ZNF704: variants seen among roughly 807,000 people sequenced by gnomAD.
ZNF704 encodes the protein glucocorticoid induced gene 1.
ZNF704 carries 10 observed loss-of-function variants against 44.7 expected under a neutral mutation model. The ratio of observed to expected loss-of-function variants is 0.22; its 90% CI spans 0.14 to 0.38. The LOEUF (loss-of-function observed/expected upper bound fraction) is 0.38. ZNF704 is among the 10% of genes least tolerant of loss of function. The pLI is 1.00. For synonymous variants in ZNF704, 211 were observed against 207.6 expected, an observed-to-expected ratio of 1.02 and a Z score of -0.14; for missense variants, 390 against 545.5, an observed-to-expected ratio of 0.71 and a Z score of 2.84.
chr8:80,641,361 G>T lies in ZNF704; in HGVS notation c.*5C>A. On this transcript the variant is annotated 3_prime_UTR_variant, in exon 9 of 9. Transcript: ENST00000327835. ...GGGCCCTGAGCCCCTCTGCCTGGGG[G>T]TCTCTCAGTCGAGGAACCTCTGGCA... 1 of 1,606,408 alleles carries T rather than the reference G, an allele frequency of 6.2e-7. No homozygotes were observed.
intron 2 of ZNF704, among the ~76,000 whole-genome samples, chr8:80,780,332 T>C (rs895206368): frequency 6.6e-6 from 1 of 152,198 alleles, no homozygotes; most frequent in Non-Finnish European, 1.5e-5. Flanking sequence ...GAGATTCCTA[T>C]GGCAGAAAGA....
chr8:80,851,328 CCAA>C (rs1303873470), intron 1 of ZNF704, among the ~76,000 whole-genome samples: 5 of 152,128 alleles, frequency 3.3e-5, no homozygotes, highest in Non-Finnish European at 7.3e-5. Flanking sequence ...ACCTAAATGT[CCAA>C]CAACAATAGA....
upstream of ZNF704, among the ~76,000 whole-genome samples, chr8:80,875,185 A>C (rs888376009): frequency 6.6e-6 from 1 of 152,164 alleles, no homozygotes; most frequent in East Asian, 1.9e-4. Context: ...TAACATGACT[A>C]ATTTTGCCAT....
chr8:80,845,930 A>C (rs1808760695), intron 1 of ZNF704, among the ~76,000 whole-genome samples: 1 of 152,198 alleles, frequency 6.6e-6, no homozygotes, highest in Non-Finnish European at 1.5e-5. Context: ...CTCCTCTGCC[A>C]TACTAAAAAC....
At chr8:80,714,111 A>T (rs1819035388) in intron 2 of ZNF704, among the ~76,000 whole-genome samples, 1 of 152,218 alleles carries the variant, frequency 6.6e-6, no homozygotes, top group South Asian at 2.1e-4. Context: ...GATCTTGCAG[A>T]GAATTTGTAG....
intron 2 of ZNF704, among the ~76,000 whole-genome samples, chr8:80,771,795 A>C (rs536534499): frequency 6.6e-6 from 1 of 152,318 alleles, no homozygotes; most frequent in East Asian, 1.9e-4. Context: ...ATATAGGAAA[A>C]GCATTCAGCT....
chr8:80,664,718 C>G, intron 6 of ZNF704, 97 bp downstream of exon 6: 1 of 1,460,574 alleles, frequency 6.8e-7, no homozygotes, highest in African/African-American at 1.4e-5. Context: ...GTGTGTGATG[C>G]TGTTTTTCCA....
Position 80,785,010 on chromosome 8 carries a change from CATT to C in ZNF704, c.221+36361_221+36363del, listed in dbSNP as rs1430746206. On this transcript the variant is annotated intron_variant, in intron 2 of 8. Coordinates refer to ENST00000327835, the MANE Select transcript of ZNF704 (RefSeq NM_001033723.3). ...AACTAATGAAACAATATTGATACAT[CATT>C]ATTAACTAAAGTCCACACTGTATTC... Among the ~76,000 whole-genome samples the C allele has an allele frequency of 8.5e-5, 13 of 152,102 alleles. No individual in the cohort carries two copies. The East Asian group carries it at 2.1e-3, about 25-fold the overall frequency.
chr8:80,647,804 C>T (rs559630012), intron 7 of ZNF704, among the ~76,000 whole-genome samples: 97 of 152,178 alleles, frequency 6.4e-4, no homozygotes, highest in Non-Finnish European at 1.3e-3. Context: ...GAGAAAGTTA[C>T]AGAAGCAGCA....
intron 2 of ZNF704, among the ~76,000 whole-genome samples, chr8:80,808,348 T>C (rs567525863): frequency 6.6e-6 from 1 of 152,356 alleles, no homozygotes; most frequent in Admixed American, 6.5e-5. Flanking sequence ...GAGTTATTAA[T>C]TGAATGTGAA....
At chr8:80,855,245 T>A (rs894657045) in intron 1 of ZNF704, among the ~76,000 whole-genome samples, 3 of 152,206 alleles carry the variant, frequency 2.0e-5, no homozygotes, top group African/African-American at 7.2e-5. Flanking sequence ...ATTATTGATA[T>A]ATGTTCTTGT....
At chr8:80,650,404 G>C (rs996857045) in intron 7 of ZNF704, among the ~76,000 whole-genome samples, 11 of 152,180 alleles carry the variant, frequency 7.2e-5, no homozygotes, top group African/African-American at 1.9e-4. Flanking sequence ...TGGCAAAGAA[G>C]TTAAAAACAT....
At chr8:80,709,258 C>G (rs140358969) in intron 2 of ZNF704, among the ~76,000 whole-genome samples, 2,446 of 151,826 alleles carry the variant, frequency 0.016, 40 homozygotes, top group Non-Finnish European at 0.025. Context: ...TGCTGGCTAA[C>G]ACGGTGAAAC....
chr8:80,739,252 C>T (rs1207519306), intron 2 of ZNF704, among the ~76,000 whole-genome samples: 1 of 152,196 alleles, frequency 6.6e-6, no homozygotes, highest in Non-Finnish European at 1.5e-5. Context: ...GTCTTTCGAG[C>T]AATCTCTTCT....
chr8:80,788,256 G>C (rs1471001968), intron 2 of ZNF704, among the ~76,000 whole-genome samples: 1 of 152,122 alleles, frequency 6.6e-6, no homozygotes, highest in Non-Finnish European at 1.5e-5. Context: ...GCAAATGCTG[G>C]TCTTGAGTTA....
At position 80,807,865 on chromosome 8, in the gene ZNF704, C is replaced by T. The variant is rs138692171; in HGVS notation, c.221+13509G>A. On this transcript the variant is annotated intron_variant, in intron 2 of 8. Transcript: ENST00000327835. ...ATTTTTAAAACAAAATGGGCTTTTACCTCGTTTTAACCTTAGCAGACTGTT... is the reference window on the plus strand; with the variant it reads ...ATTTTTAAAACAAAATGGGCTTTTATCTCGTTTTAACCTTAGCAGACTGTT... Among the ~76,000 whole-genome samples the T allele has an allele frequency of 4.6e-3, 707 of 152,096 alleles. 3 individuals carry two copies. Among genetic ancestry groups the T allele is most frequent in the African/African-American group, 0.016 (662 of 41,464 alleles).
intron 1 of ZNF704, among the ~76,000 whole-genome samples, chr8:80,870,946 T>C (rs1308295710): frequency 6.6e-6 from 1 of 152,216 alleles, no homozygotes; most frequent in East Asian, 1.9e-4. Context: ...TTTCCTAATC[T>C]TAGTAAATGG....
At chr8:80,668,085 C>T (rs73691965) in intron 5 of ZNF704, among the ~76,000 whole-genome samples, 5,243 of 152,262 alleles carry the variant, frequency 0.034, 326 homozygotes, top group African/African-American at 0.12. Context: ...TTATACTTTT[C>T]CACAGAAAGT....
the ZNF704 span, among the ~76,000 whole-genome samples, chr8:80,881,553 A>G: frequency 6.6e-6 from 1 of 152,348 alleles, no homozygotes; most frequent in East Asian, 1.9e-4. Flanking sequence ...TCCGTAGGAT[A>G]CCTGCTAACC....
Sources: gnomAD v4.1 joint callset for allele counts (sites outside exome capture counted in the v4.1 genomes callset) on GRCh38, gnomAD v4.1.1 for gene constraint, MANE v1.5 for transcripts, NCBI Gene and HGNC (gene_info 2026-07-23, HGNC 2026-07-21) for gene names.